APLP2: variants seen among roughly 807,000 people sequenced by gnomAD.
The protein encoded by APLP2 is amyloid beta precursor like protein 2.
APLP2 carries 53 observed loss-of-function variants against 89.9 expected under a neutral mutation model. The ratio of observed to expected loss-of-function variants is 0.59; its 90% CI spans 0.47 to 0.74. APLP2 has a LOEUF of 0.74. Ranked by LOEUF, APLP2 falls within the 30% of genes least tolerant of loss-of-function variation. The pLI is 0.00. For missense variants in APLP2, 973 were observed against 975.9 expected (o/e 1.00, Z 0.04); for synonymous variants, 372 against 348.6 (o/e 1.07, Z -0.75).
At chr11:130,117,799 G>A (rs147350269) in intron 3 of APLP2, among the ~76,000 whole-genome samples, 15 of 152,260 alleles carry the variant, frequency 9.9e-5, no homozygotes, top group East Asian at 3.9e-4. Context: ...CTGACCAGGC[G>A]CAGTGGCTCA....
chr11:130,079,499 G>A (rs368424691), intron 1 of APLP2, among the ~76,000 whole-genome samples: 4 of 152,222 alleles, frequency 2.6e-5, no homozygotes, highest in African/African-American at 9.6e-5. Context: ...TTTATTCATA[G>A]TCATTTGATC....
intron 5 of APLP2, 32 bp from the exon 6 acceptor site, chr11:130,122,273 T>C: frequency 6.2e-7 from 1 of 1,612,386 alleles, no homozygotes; most frequent in Non-Finnish European, 8.5e-7. Context: ...TAGGAGCTAT[T>C]AACCTTCCTT....
At chr11:130,112,587 G>A (rs1355951583) in intron 3 of APLP2, among the ~76,000 whole-genome samples, 1 of 152,076 alleles carries the variant, frequency 6.6e-6, no homozygotes, top group African/African-American at 2.4e-5. Flanking sequence ...GCTGTGAGTC[G>A]AAAATGTGGT....
At chr11:130,127,550 G>A (rs1019792581) in intron 8 of APLP2, among the ~76,000 whole-genome samples, 12 of 152,200 alleles carry the variant, frequency 7.9e-5, no homozygotes, top group Admixed American at 6.5e-4. Context: ...TCAAGGTTAT[G>A]TAACAAAGAG....
At chr11:130,097,057 A>T (rs1216336060) in intron 1 of APLP2, among the ~76,000 whole-genome samples, 2 of 152,206 alleles carry the variant, frequency 1.3e-5, no homozygotes, top group African/African-American at 4.8e-5. Context: ...ATACAGTCTG[A>T]TTTACTTTTA....
Position 130,123,690 on chromosome 11 carries a change from A to G in APLP2, c.1001A>G (p.Lys334Arg). The G allele has an allele frequency of 6.2e-7, 1 of 1,614,288 alleles. No homozygotes were observed. Among genetic ancestry groups the G allele is most frequent in the Non-Finnish European group, 8.5e-7 (1 of 1,180,048 alleles). The change falls in exon 7 of 17, where the codon AAG becomes AGG. Residue 334 changes from lysine (K) to arginine (R), a missense_variant. Coordinates refer to ENST00000338167, the MANE Select transcript of APLP2 (RefSeq NM_001142276.2). The surrounding 1 kb of genome is among the most constrained non-coding windows in gnomAD (Gnocchi z 4.0). ...TGGTACTTCGACCTCTCCAAGGGAA[A>G]GTGCGTGCGCTTTATATATGGTGGC... ...PRWYFDLSKG[K>R]CVRFIYGGCG...
intron 12 of APLP2, among the ~76,000 whole-genome samples, chr11:130,134,759 G>A (rs56010614): frequency 1.3e-5 from 2 of 152,206 alleles, no homozygotes; most frequent in Non-Finnish European, 2.9e-5. Flanking sequence ...TCTGTAGGAT[G>A]TGTTCTGGTG....
At chr11:130,096,133 G>C (rs181885742) in intron 1 of APLP2, among the ~76,000 whole-genome samples, 143 of 152,310 alleles carry the variant, frequency 9.4e-4, no homozygotes, top group African/African-American at 3.4e-3. Flanking sequence ...AGCAGGGGAA[G>C]GCTTCGAGTT....
chr11:130,111,606 C>A (rs1235956940), intron 3 of APLP2, among the ~76,000 whole-genome samples: 1 of 152,154 alleles, frequency 6.6e-6, no homozygotes, highest in African/African-American at 2.4e-5. Context: ...AGAAGCGGTG[C>A]CCCTGAACAA....
chr11:130,121,116 G>A (rs150010457), intron 4 of APLP2, among the ~76,000 whole-genome samples: 3 of 152,274 alleles, frequency 2.0e-5, no homozygotes, highest in East Asian at 1.9e-4. Flanking sequence ...CCCTAAGGCC[G>A]GCATGGAAAT....
chr11:130,125,804 T>C (rs1216842087), intron 7 of APLP2, among the ~76,000 whole-genome samples: 1 of 152,208 alleles, frequency 6.6e-6, no homozygotes, highest in Non-Finnish European at 1.5e-5. Context: ...TTGCATGAAT[T>C]AGGCTAGTAA....
At chr11:130,120,303 A>G (rs557761744) in intron 3 of APLP2, among the ~76,000 whole-genome samples, 41 of 152,238 alleles carry the variant, frequency 2.7e-4, no homozygotes, top group Admixed American at 5.9e-4. Context: ...GTACTTGAGT[A>G]GAACACCTGG....
chr11:130,130,276 T>C (rs952083519), intron 11 of APLP2, 110 bp downstream of exon 11: 47 of 1,423,960 alleles, frequency 3.3e-5, no homozygotes, highest in Middle Eastern at 3.8e-4. Flanking sequence ...TACTAGTCCT[T>C]AGAAAATGAG....
chr11:130,092,722 A>ACG (rs1945583620), intron 1 of APLP2, among the ~76,000 whole-genome samples: 1 of 99,012 alleles, frequency 1.0e-5, no homozygotes, highest in African/African-American at 4.1e-5. Flanking sequence ...GGGGAGGGGG[A>ACG]GGGAGAGGGA....
At chr11:130,100,326 A>G (rs1235899633) in intron 1 of APLP2, 1 of 151,958 alleles carries the variant, frequency 6.6e-6, no homozygotes, top group Non-Finnish European at 1.5e-5. Context: ...GTGTCTCCAT[A>G]CCCCCTGGAA....
chr11:130,074,035 G>A (rs1259450464), intron 1 of APLP2, among the ~76,000 whole-genome samples: 1 of 152,048 alleles, frequency 6.6e-6, no homozygotes, highest in Non-Finnish European at 1.5e-5. Flanking sequence ...GAGAACTTCA[G>A]TATATATTTT....
At chr11:130,094,626 C>T (rs1001481095) in intron 1 of APLP2, among the ~76,000 whole-genome samples, 13 of 152,172 alleles carry the variant, frequency 8.5e-5, no homozygotes, top group African/African-American at 2.9e-4. Context: ...TTTAATTTAG[C>T]GTTCATCCAA....
chr11:130,138,356 C>T (rs979503500), intron 13 of APLP2, among the ~76,000 whole-genome samples: 5 of 152,208 alleles, frequency 3.3e-5, no homozygotes, highest in South Asian at 2.1e-4. Flanking sequence ...TATGCCTGTT[C>T]GTGGGGATGA....
At position 130,070,519 on chromosome 11, in the gene APLP2, A is replaced by ACCGGGGCCTCGGCT. The variant is rs1940777005; in HGVS notation, c.105+443_105+456dup. 2.2e-5 allele frequency: 27 copies of ACCGGGGCCTCGGCT among 1,223,020 alleles called. 1 individual carries two copies. In the South Asian group the frequency reaches 6.5e-4, roughly 29 times the overall value. 75.8% of individuals were successfully genotyped at this position (1,223,020 alleles called of 1,614,324 possible). A position where few individuals can be genotyped will look rare whatever the true frequency, so the allele number is the denominator to read the frequency against. On this transcript the variant is annotated intron_variant, in intron 1 of 16. Transcript: ENST00000338167. ...GACCCCGTACGCTCCCTCGCGCGGC[A>ACCGGGGCCTCGGCT]CCGGGGCCTCGGCTCCGGGCCTCCC...
Sources: gnomAD v4.1 joint callset for allele counts (sites outside exome capture counted in the v4.1 genomes callset) on GRCh38, gnomAD v4.1.1 for gene constraint, Gnocchi (gnomAD v3.1) non-coding constraint, MANE v1.5 for transcripts, NCBI Gene and HGNC (gene_info 2026-07-23, HGNC 2026-07-21) for gene names.